The following ENTHD1 variants were observed in gnomAD, a reference collection of about 807,000 sequenced individuals.
ENTHD1 encodes the protein ENTH domain-containing protein 1.
Under a neutral mutation model 39.1 loss-of-function variants are expected in ENTHD1, and 23 were observed. The ratio of observed to expected loss-of-function variants is 0.59; its 90% CI spans 0.42 to 0.83. The LOEUF is 0.83. Among genes scored for constraint, ENTHD1 ranks in the 40% least tolerant of loss-of-function variants. ENTHD1 has a pLI of 0.00. For missense variants in ENTHD1, 624 were observed against 705.4 expected (o/e 0.88, Z 1.31); for synonymous variants, 230 against 258.2 (o/e 0.89, Z 1.05).
chr22:39,855,146 C>T (rs1248700604), intron 3 of ENTHD1, among the ~76,000 whole-genome samples: 2 of 152,194 alleles, frequency 1.3e-5, no homozygotes, highest in African/African-American at 4.8e-5. Flanking sequence ...TTCATTTCTA[C>T]ACAAAGCAAT....
rs1262576124 is a variant in ENTHD1 at position 39,744,219 on chromosome 22, G to T, written c.1284C>A (p.Ala428=). ...AGAGATGAGCTGACTTCTCTGGAGA[G>T]GCTAAATCAGGAGATGACATGGATA... The part of the protein sequence containing the change: ...SPLSMSSPDL[A]SPEKSAHLLS... The change falls in exon 7 of 7, where the codon GCC becomes GCA. Residue 428 remains alanine, a synonymous_variant. Transcript: ENST00000325157. The T allele has an allele frequency of 5.0e-6, 8 of 1,613,834 alleles. No individual in the cohort carries two copies. Among genetic ancestry groups the T allele is most frequent in the Non-Finnish European group, 6.8e-6 (8 of 1,179,902 alleles).
intron 5 of ENTHD1, among the ~76,000 whole-genome samples, chr22:39,791,122 A>G (rs1440666743): frequency 6.6e-6 from 1 of 150,594 alleles, no homozygotes; most frequent in African/African-American, 2.4e-5. Flanking sequence ...ATCCCATTTT[A>G]ATATCCTAAT....
intron 2 of ENTHD1, 61 bp downstream of exon 2, chr22:39,887,339 G>T: frequency 2.8e-6 from 4 of 1,419,106 alleles, no homozygotes; most frequent in Non-Finnish European, 1.9e-6. Context: ...AGCCTCCCAT[G>T]CACCAGGATT....
At chr22:39,872,950 C>T (rs2066256136) in intron 2 of ENTHD1, among the ~76,000 whole-genome samples, 1 of 151,602 alleles carries the variant, frequency 6.6e-6, no homozygotes, top group Non-Finnish European at 1.5e-5. Context: ...CCACCTCAGC[C>T]CCCCATCAGC....
chr22:39,868,417 T>A (rs1206320417), intron 2 of ENTHD1, among the ~76,000 whole-genome samples: 1 of 146,432 alleles, frequency 6.8e-6, no homozygotes, highest in African/African-American at 2.5e-5. Context: ...CCACTCAAAA[T>A]AGCCTAAACA....
chr22:39,795,625 T>G (rs1289821068), intron 5 of ENTHD1, among the ~76,000 whole-genome samples: 4 of 151,256 alleles, frequency 2.6e-5, no homozygotes, highest in Admixed American at 2.0e-4. Context: ...GACAAGATCT[T>G]GTTATCTTGC....
chr22:39,825,977 G>C (rs1427973891), intron 4 of ENTHD1, among the ~76,000 whole-genome samples: 2 of 152,200 alleles, frequency 1.3e-5, no homozygotes, highest in Non-Finnish European at 2.9e-5. Context: ...CCAGGTTCGA[G>C]TGATTCTCAT....
intron 3 of ENTHD1, among the ~76,000 whole-genome samples, chr22:39,846,153 G>T (rs1050083676): frequency 2.0e-5 from 3 of 152,152 alleles, no homozygotes; most frequent in African/African-American, 7.2e-5. Flanking sequence ...ATGGATAAAA[G>T]ATTTAAAATG....
At chr22:39,791,250 A>ATTTAGACTATAGTCTAGACTATATATAGT (rs1172408095) in intron 5 of ENTHD1, among the ~76,000 whole-genome samples, 5 of 148,008 alleles carry the variant, frequency 3.4e-5, no homozygotes, top group East Asian at 1.9e-4. Context: ...TTTAGAGTAT[A>ATTTAGACTATAGTCTAGACTATATATAGT]TTTAGACTAT....
At chr22:39,834,927 C>T (rs185867503) in intron 4 of ENTHD1, among the ~76,000 whole-genome samples, 1 of 152,256 alleles carries the variant, frequency 6.6e-6, no homozygotes, top group East Asian at 1.9e-4. Context: ...ATGACAAACA[C>T]TGCAGAGATG....
In ENTHD1 at chr22:39,893,409, T is replaced by A. The variant is rs184934748; in HGVS notation, c.-156+286A>T. ...ACGACTGTGTACCAGATGAGCCAGG[T>A]GCTGGGCGTTCGGCCACACAGAGAA... On this transcript the variant is annotated intron_variant, in intron 1 of 6. Transcript: ENST00000325157. 383 of 152,170 alleles carry A rather than the reference T, an allele frequency of 2.5e-3. 4 individuals carry two copies. The highest frequency in any genetic ancestry group is 0.024 in the Middle Eastern group (7 of 294). The allele number at this position is 152,170 out of a possible 1,614,324, so 9.4% of individuals were successfully genotyped here. A position where few individuals can be genotyped will look rare whatever the true frequency, so the allele number is the denominator to read the frequency against.
intron 5 of ENTHD1, among the ~76,000 whole-genome samples, chr22:39,802,866 G>A (rs745952416): frequency 6.6e-6 from 1 of 152,166 alleles, no homozygotes; most frequent in Non-Finnish European, 1.5e-5. Flanking sequence ...CTGACAATCA[G>A]TCATGAGGAA....
At chr22:39,875,007 T>C (rs1042688882) in intron 2 of ENTHD1, among the ~76,000 whole-genome samples, 8 of 152,210 alleles carry the variant, frequency 5.3e-5, no homozygotes, top group African/African-American at 1.9e-4. Context: ...GAGAACCGAA[T>C]GCATATCGCA....
chr22:39,773,237 G>A (rs2065341672), intron 5 of ENTHD1, among the ~76,000 whole-genome samples: 1 of 149,690 alleles, frequency 6.7e-6, no homozygotes, highest in African/African-American at 2.5e-5. Flanking sequence ...AAAACAAGTA[G>A]ACAAAATATC....
Position 39,744,154 on chromosome 22 carries a change from G to C in ENTHD1, c.1349C>G (p.Ser450Cys). Residue 450 changes from serine (S) to cysteine (C), a missense_variant, in exon 7 of 7, where the codon TCC becomes TGC. Coordinates refer to ENST00000325157, the MANE Select transcript of ENTHD1 (RefSeq NM_152512.4). ...ILAGPSFWTL[S>C]HQQLSSTSFK... Reference sequence around the variant, plus strand: ...GGAGGTAGAAGACAACTGTTGATGGGACAGAGTCCAGAAGGAAGGTCCGGC... The same window carrying C: ...GGAGGTAGAAGACAACTGTTGATGGCACAGAGTCCAGAAGGAAGGTCCGGC... The C allele has an allele frequency of 6.2e-7, 1 of 1,614,120 alleles. No individual in the cohort carries two copies. The highest frequency in any genetic ancestry group is 8.5e-7 in the Non-Finnish European group (1 of 1,179,998).
chr22:39,853,784 G>C (rs950172532), intron 3 of ENTHD1, among the ~76,000 whole-genome samples: 2 of 151,978 alleles, frequency 1.3e-5, no homozygotes, highest in Non-Finnish European at 2.9e-5. Context: ...CATGTTGGCC[G>C]GGCTGGTCTT....
At chr22:39,851,599 C>T (rs2066040454) in intron 3 of ENTHD1, among the ~76,000 whole-genome samples, 1 of 152,164 alleles carries the variant, frequency 6.6e-6, no homozygotes, top group African/African-American at 2.4e-5. Context: ...AGTACACTTT[C>T]TCAATTCAGT....
chr22:39,858,006 A>G (rs1156688383), intron 3 of ENTHD1, among the ~76,000 whole-genome samples: 2 of 152,164 alleles, frequency 1.3e-5, no homozygotes, highest in Non-Finnish European at 2.9e-5. Flanking sequence ...AAAGTAAGAC[A>G]ACAATAAAGC....
At chr22:39,811,835 C>T (rs1042578027) in intron 5 of ENTHD1, among the ~76,000 whole-genome samples, 2 of 151,520 alleles carry the variant, frequency 1.3e-5, no homozygotes, top group Non-Finnish European at 2.9e-5. Context: ...AAAAATTAGC[C>T]GGGTGTGGTG....
Sources: gnomAD v4.1 joint callset for allele counts (sites outside exome capture counted in the v4.1 genomes callset) on GRCh38, gnomAD v4.1.1 for gene constraint, MANE v1.5 for transcripts, NCBI Gene and HGNC (gene_info 2026-07-23, HGNC 2026-07-21) for gene names.